The following LYPLAL1 variants were observed in gnomAD, a reference collection of about 807,000 sequenced individuals.
The protein encoded by LYPLAL1 is lysophospholipase like 1.
In LYPLAL1, 23 loss-of-function variants were observed where a neutral mutation model predicts 19.7. That is an observed-to-expected ratio of 1.17 (90% CI 0.84 to 1.65). The LOEUF (loss-of-function observed/expected upper bound fraction) is 1.65, where lower values mean the gene tolerates loss of function less well. Ranked by LOEUF, LYPLAL1 falls within the 40% of genes most tolerant of loss-of-function variation. The probability of loss-of-function intolerance (pLI) is 0.00; values close to 1 mark genes in which losing one functional copy is unlikely to be tolerated. For missense variants in LYPLAL1, 355 were observed against 279.4 expected, an observed-to-expected ratio of 1.27 and a Z score of -1.93; for synonymous variants, 119 against 96.3, an observed-to-expected ratio of 1.24 and a Z score of -1.38.
chr1:219,365,058 A>G, the LYPLAL1 span, among the ~76,000 whole-genome samples: 8 of 152,102 alleles, frequency 5.3e-5, no homozygotes, highest in Non-Finnish European at 1.2e-4. Flanking sequence ...GATATATCCT[A>G]TATTTGAAAG....
the LYPLAL1 span, among the ~76,000 whole-genome samples, chr1:219,378,832 A>T: frequency 1.3e-5 from 2 of 152,166 alleles, no homozygotes; most frequent in Non-Finnish European, 2.9e-5. Context: ...ACAATAGACA[A>T]TATATTTTTA....
chr1:219,286,249 G>A, the LYPLAL1 span, among the ~76,000 whole-genome samples: 8 of 152,150 alleles, frequency 5.3e-5, no homozygotes, highest in African/African-American at 1.7e-4. Flanking sequence ...AGGGCCATGA[G>A]ATCATTTGGG....
At chr1:219,314,332 A>G in the LYPLAL1 span, among the ~76,000 whole-genome samples, 2 of 152,248 alleles carry the variant, frequency 1.3e-5, no homozygotes, top group African/African-American at 4.8e-5. Flanking sequence ...TCCTTTGGGC[A>G]TATACCCAAT....
At chr1:219,236,986 G>GT in the LYPLAL1 span, among the ~76,000 whole-genome samples, 18 of 151,488 alleles carry the variant, frequency 1.2e-4, no homozygotes, top group Admixed American at 3.9e-4. Flanking sequence ...TTCAGTTGTT[G>GT]TTTTTTTTGT....
chr1:219,256,341 T>G, the LYPLAL1 span, among the ~76,000 whole-genome samples: 3 of 151,908 alleles, frequency 2.0e-5, no homozygotes, highest in African/African-American at 7.2e-5. Flanking sequence ...TGGAGTGTAA[T>G]TATTTATAAT....
the LYPLAL1 span, chr1:219,222,806 T>C: frequency 1.3e-5 from 2 of 152,176 alleles, no homozygotes; most frequent in Admixed American, 1.3e-4. Context: ...GCAGATTTGG[T>C]GTCTGGCGAA....
chr1:219,434,744 G>A, the LYPLAL1 span, among the ~76,000 whole-genome samples: 2 of 152,300 alleles, frequency 1.3e-5, no homozygotes, highest in South Asian at 4.1e-4. Context: ...GACAAGTACA[G>A]GTGCTGTCTA....
the LYPLAL1 span, among the ~76,000 whole-genome samples, chr1:219,241,134 C>CTCTCTATATATATA: frequency 1.7e-3 from 77 of 44,348 alleles, no homozygotes; most frequent in Non-Finnish European, 2.2e-3. Flanking sequence ...CTCTCTCTCT[C>CTCTCTATATATATA]TATATATATA....
At chr1:219,200,821 G>A (rs1658037799) in intron 3 of LYPLAL1, among the ~76,000 whole-genome samples, 2 of 152,202 alleles carry the variant, frequency 1.3e-5, no homozygotes, top group Admixed American at 1.3e-4. Context: ...ATATGGCAAG[G>A]TCTGGAAGGG....
At chr1:219,389,554 C>A in the LYPLAL1 span, among the ~76,000 whole-genome samples, 1 of 152,184 alleles carries the variant, frequency 6.6e-6, no homozygotes, top group Non-Finnish European at 1.5e-5. Context: ...CTCTTGTCTT[C>A]AGAGATTTTC....
chr1:219,306,743 T>TAGATAGATAGAC, the LYPLAL1 span, among the ~76,000 whole-genome samples: 2 of 132,680 alleles, frequency 1.5e-5, no homozygotes, highest in Non-Finnish European at 3.2e-5. Flanking sequence ...GACAGATGCA[T>TAGATAGATAGAC]AGATAGATAG....
the LYPLAL1 span, among the ~76,000 whole-genome samples, chr1:219,309,874 A>C: frequency 6.6e-6 from 1 of 152,220 alleles, no homozygotes; most frequent in South Asian, 2.1e-4. Flanking sequence ...AGTTACTACC[A>C]TGTGTTGTCA....
the LYPLAL1 span, among the ~76,000 whole-genome samples, chr1:219,378,868 G>A: frequency 1.3e-5 from 2 of 152,158 alleles, no homozygotes; most frequent in African/African-American, 4.8e-5. Flanking sequence ...GAGCTTTTGA[G>A]TTCTGAACTC....
At chr1:219,299,381 C>T in the LYPLAL1 span, among the ~76,000 whole-genome samples, 246 of 151,754 alleles carry the variant, frequency 1.6e-3, no homozygotes, top group African/African-American at 5.5e-3. Context: ...TTGGAAACCA[C>T]GGGAAAGTTT....
the LYPLAL1 span, among the ~76,000 whole-genome samples, chr1:219,321,712 G>T: frequency 6.6e-6 from 1 of 152,098 alleles, no homozygotes; most frequent in Admixed American, 6.6e-5. Context: ...GCATAAACCA[G>T]ATTTGTTTGA....
the LYPLAL1 span, among the ~76,000 whole-genome samples, chr1:219,247,777 T>C: frequency 6.6e-6 from 1 of 152,322 alleles, no homozygotes; most frequent in East Asian, 1.9e-4. Flanking sequence ...ATGAGTTCTT[T>C]CTTAAGGCAA....
chr1:219,194,426 C>A (rs566132124), intron 3 of LYPLAL1, among the ~76,000 whole-genome samples: 36 of 152,054 alleles, frequency 2.4e-4, no homozygotes, highest in Admixed American at 1.2e-3. Context: ...TAAGTCCCCA[C>A]TATGTGCTAC....
the LYPLAL1 span, among the ~76,000 whole-genome samples, chr1:219,417,585 T>G: frequency 1.3e-5 from 2 of 152,242 alleles, no homozygotes; most frequent in South Asian, 4.1e-4. Context: ...TATATATTTT[T>G]TTCTAAATAA....
At chr1:219,291,444 A>G in the LYPLAL1 span, among the ~76,000 whole-genome samples, 3 of 152,178 alleles carry the variant, frequency 2.0e-5, no homozygotes, top group African/African-American at 4.8e-5. Flanking sequence ...CTTCTCTACA[A>G]TCTACTGTCC....
Sources: allele counts gnomAD v4.1 joint callset (sites outside exome capture counted in the v4.1 genomes callset), GRCh38; gene constraint gnomAD v4.1.1; transcripts MANE v1.5; gene names NCBI Gene and HGNC (gene_info 2026-07-23, HGNC 2026-07-21).